SYT1: variants seen among roughly 807,000 people sequenced by gnomAD.
The protein encoded by SYT1 is synaptotagmin-1.
Under a neutral mutation model 44.8 loss-of-function variants are expected in SYT1, and 8 were observed. The observed-to-expected ratio is 0.18, with a 90% CI of 0.10 to 0.32. The LOEUF is 0.32. Among genes scored for constraint, SYT1 ranks in the 10% least tolerant of loss-of-function variants. The probability of loss-of-function intolerance (pLI) is 1.00; values close to 1 mark genes in which losing one functional copy is unlikely to be tolerated. For synonymous variants in SYT1, 154 were observed against 188.8 expected, an observed-to-expected ratio of 0.82 and a Z score of 1.51; for missense variants, 286 against 509.3, an observed-to-expected ratio of 0.56 and a Z score of 4.22.
chr12:79,096,597 T>C (rs144483209), intron 3 of SYT1, among the ~76,000 whole-genome samples: 1 of 152,074 alleles, frequency 6.6e-6, no homozygotes, highest in Admixed American at 6.6e-5. Flanking sequence ...AGACAGAGTT[T>C]CCCCTTGAAA....
At chr12:78,975,331 G>A (rs1244089310) in intron 1 of SYT1, among the ~76,000 whole-genome samples, 2 of 152,156 alleles carry the variant, frequency 1.3e-5, no homozygotes, top group East Asian at 3.8e-4. Context: ...TGCAGGACGA[G>A]TTCAGAGAAG....
intron 2 of SYT1, among the ~76,000 whole-genome samples, chr12:79,001,501 C>G (rs1341815092): frequency 6.6e-6 from 1 of 152,076 alleles, no homozygotes; most frequent in East Asian, 1.9e-4. Flanking sequence ...GTTTAGAAGA[C>G]TAAAGATGTT....
intron 3 of SYT1, among the ~76,000 whole-genome samples, chr12:79,203,250 T>C (rs1873902353): frequency 6.6e-6 from 1 of 152,172 alleles, no homozygotes; most frequent in Admixed American, 6.6e-5. Context: ...ACACAGCTGC[T>C]CAACGGCATT....
intron 3 of SYT1, among the ~76,000 whole-genome samples, chr12:79,051,077 C>G (rs1874446793): frequency 6.6e-6 from 1 of 151,378 alleles, no homozygotes. Flanking sequence ...AACCACCCAC[C>G]ATTTTTTTCT....
intron 4 of SYT1, among the ~76,000 whole-genome samples, chr12:79,264,348 T>G (rs1458907547): frequency 6.6e-6 from 1 of 152,006 alleles, no homozygotes; most frequent in Non-Finnish European, 1.5e-5. Context: ...CCTGGCTAAT[T>G]TTTTGTATTT....
intron 9 of SYT1, among the ~76,000 whole-genome samples, chr12:79,416,952 C>T (rs961763698): frequency 2.0e-5 from 3 of 151,920 alleles, no homozygotes; most frequent in Non-Finnish European, 2.9e-5. Context: ...AAAAATACAA[C>T]GAAAATCCTA....
intron 9 of SYT1, among the ~76,000 whole-genome samples, chr12:79,430,554 G>T (rs981930596): frequency 6.6e-6 from 1 of 152,164 alleles, no homozygotes; most frequent in Non-Finnish European, 1.5e-5. Flanking sequence ...GGGAGGCTGA[G>T]GCAGGAGGAT....
chr12:79,075,008 A>G (rs924422810), intron 3 of SYT1, among the ~76,000 whole-genome samples: 1 of 152,182 alleles, frequency 6.6e-6, no homozygotes, highest in Non-Finnish European at 1.5e-5. Context: ...CATCGTAAAT[A>G]CCCTGGATCT....
intron 3 of SYT1, among the ~76,000 whole-genome samples, chr12:79,129,542 G>A (rs1239904090): frequency 6.6e-6 from 1 of 152,152 alleles, no homozygotes. Context: ...ATTTTCTAAA[G>A]CTTTGTAGAA....
intron 4 of SYT1, among the ~76,000 whole-genome samples, chr12:79,251,255 C>T (rs1245824): frequency 0.71 from 107,848 of 151,876 alleles, 38,826 homozygotes; most frequent in African/African-American, 0.79. Flanking sequence ...CTCTAATTAC[C>T]CTGATTAACA....
chr12:79,091,240 A>T (rs963690142), intron 3 of SYT1, among the ~76,000 whole-genome samples: 3 of 152,016 alleles, frequency 2.0e-5, no homozygotes, highest in African/African-American at 4.8e-5. Flanking sequence ...TTTGCTTTAG[A>T]CATTTTGAGA....
chr12:78,894,330 G>GGTT (rs1875226926), intron 1 of SYT1, among the ~76,000 whole-genome samples: 2 of 27,710 alleles, frequency 7.2e-5, no homozygotes, highest in African/African-American at 1.2e-4. Context: ...TTTTTAATCT[G>GGTT]TTTTTTTTTT....
At chr12:78,994,375 C>G (rs1870218844) in intron 2 of SYT1, among the ~76,000 whole-genome samples, 1 of 152,062 alleles carries the variant, frequency 6.6e-6, no homozygotes, top group South Asian at 2.1e-4. Context: ...TAGTTTGTCC[C>G]TTTGTAAGAC....
At chr12:79,123,250 T>A (rs1868308767) in intron 3 of SYT1, among the ~76,000 whole-genome samples, 1 of 151,852 alleles carries the variant, frequency 6.6e-6, no homozygotes, top group African/African-American at 2.4e-5. Context: ...AGCATTACAA[T>A]TCCTATCAAT....
At chr12:79,165,720 T>C (rs1411404910) in intron 3 of SYT1, among the ~76,000 whole-genome samples, 5 of 151,978 alleles carry the variant, frequency 3.3e-5, no homozygotes, top group Non-Finnish European at 7.4e-5. Flanking sequence ...CCTTATAACA[T>C]AACTTAATCT....
chr12:78,984,624 G>A (rs542072154), intron 2 of SYT1, among the ~76,000 whole-genome samples: 1 of 151,960 alleles, frequency 6.6e-6, no homozygotes, highest in East Asian at 1.9e-4. Flanking sequence ...AAACAATGAA[G>A]AATAGAATTT....
intron 5 of SYT1, among the ~76,000 whole-genome samples, chr12:79,290,612 G>A (rs370281897): frequency 2.6e-5 from 4 of 152,140 alleles, no homozygotes; most frequent in African/African-American, 9.7e-5. Context: ...CTTTATCAGA[G>A]ATATAAAACA....
At chr12:79,194,716 GTA>G (rs1873341053) in intron 3 of SYT1, among the ~76,000 whole-genome samples, 1 of 152,072 alleles carries the variant, frequency 6.6e-6, no homozygotes, top group South Asian at 2.1e-4. Context: ...ATCATGAAGG[GTA>G]TGTGTGTGTG....
intron 1 of SYT1, among the ~76,000 whole-genome samples, chr12:78,969,740 T>C (rs376653270): frequency 2.6e-5 from 4 of 152,262 alleles, no homozygotes; most frequent in African/African-American, 9.6e-5. Context: ...ACGTAAGTTA[T>C]CATCAGAGCA....
Sources: allele counts gnomAD v4.1 joint callset (sites outside exome capture counted in the v4.1 genomes callset), GRCh38; gene constraint gnomAD v4.1.1; transcripts MANE v1.5; gene names NCBI Gene and HGNC (gene_info 2026-07-23, HGNC 2026-07-21).